The following DPP6 variants were observed in gnomAD, a reference collection of about 807,000 sequenced individuals.
The protein encoded by DPP6 is A-type potassium channel modulatory protein DPP6.
In DPP6, 69 loss-of-function variants were observed where a neutral mutation model predicts 122.6. That is an observed-to-expected ratio of 0.56 (90% CI 0.46 to 0.69). The LOEUF (loss-of-function observed/expected upper bound fraction) is 0.69. DPP6 is among the 30% of genes least tolerant of loss of function. DPP6 has a pLI of 0.00. For synonymous variants in DPP6, 418 were observed against 433.1 expected (o/e 0.97, Z 0.43); for missense variants, 928 against 1,116.9 (o/e 0.83, Z 2.41).
chr7:153,995,629 A>G (rs866841069), intron 1 of DPP6, among the ~76,000 whole-genome samples: 12 of 151,518 alleles, frequency 7.9e-5, no homozygotes, highest in African/African-American at 2.4e-4. Context: ...GGCAGATGCA[A>G]TGTGACAGAG....
At chr7:154,238,472 G>A (rs916442760) in intron 1 of DPP6, among the ~76,000 whole-genome samples, 2 of 152,186 alleles carry the variant, frequency 1.3e-5, no homozygotes, top group Non-Finnish European at 2.9e-5. Context: ...GGATTAAGAG[G>A]TTAAGTCAGA....
chr7:154,574,626 GGT>G (rs1206669719), intron 5 of DPP6, among the ~76,000 whole-genome samples: 38 of 128,340 alleles, frequency 3.0e-4, no homozygotes, highest in African/African-American at 8.3e-4. Flanking sequence ...GTATGTGTGT[GGT>G]GTGTGTGTGT....
the DPP6 span, among the ~76,000 whole-genome samples, chr7:153,858,746 A>G: frequency 6.6e-6 from 1 of 152,254 alleles, no homozygotes; most frequent in Non-Finnish European, 1.5e-5. Flanking sequence ...TGTTTAATGA[A>G]GATGAGATTT....
chr7:154,062,729 G>T (rs1399453889), intron 1 of DPP6, among the ~76,000 whole-genome samples: 5 of 68,664 alleles, frequency 7.3e-5, no homozygotes, highest in Non-Finnish European at 1.0e-4. Flanking sequence ...CCATCGTAGG[G>T]GGGGGGAGGC....
At chr7:154,014,220 G>C (rs1798291317) in intron 1 of DPP6, among the ~76,000 whole-genome samples, 1 of 148,534 alleles carries the variant, frequency 6.7e-6, no homozygotes, top group South Asian at 2.2e-4. Flanking sequence ...GAGCCCAAAA[G>C]TTATTAGAGG....
Sources: gnomAD v4.1 joint callset for allele counts (sites outside exome capture counted in the v4.1 genomes callset) on GRCh38, gnomAD v4.1.1 for gene constraint, MANE v1.5 for transcripts, NCBI Gene and HGNC (gene_info 2026-07-23, HGNC 2026-07-21) for gene names.